PCDH11X: variants seen among roughly 807,000 people sequenced by gnomAD.
PCDH11X encodes protocadherin 11 X-linked.
Under a neutral mutation model 53.3 loss-of-function variants are expected in PCDH11X, and 18 were observed. That is an observed-to-expected ratio of 0.34 (90% CI 0.23 to 0.50). The LOEUF (loss-of-function observed/expected upper bound fraction) is 0.50. PCDH11X is among the 20% of genes least tolerant of loss of function. The pLI is 0.98. For missense variants in PCDH11X, 570 were observed against 1,032.4 expected (o/e 0.55, Z 6.14); for synonymous variants, 279 against 393.3 (o/e 0.71, Z 3.44).
At chrX:92,080,083 G>A (rs2063833151) in intron 6 of PCDH11X, among the ~76,000 whole-genome samples, 1 of 111,535 alleles carries the variant, frequency 9.0e-6, no homozygotes, top group Non-Finnish European at 1.9e-5. Flanking sequence ...GAAGGCAGAG[G>A]AAGGTGAACA....
intron 6 of PCDH11X, among the ~76,000 whole-genome samples, chrX:91,913,690 A>T (rs752951292): frequency 9.0e-6 from 1 of 111,514 alleles, no homozygotes; most frequent in Non-Finnish European, 1.9e-5. Context: ...CACCTGAGAA[A>T]CCAAAATACT....
At chrX:92,342,941 ATT>A (rs1475871904) in intron 8 of PCDH11X, among the ~76,000 whole-genome samples, 2 of 112,391 alleles carry the variant, frequency 1.8e-5, no homozygotes, top group Non-Finnish European at 3.8e-5. Flanking sequence ...TGATGAAATG[ATT>A]TCTATTTTGT....
chrX:91,913,133 G>A (rs191470742), intron 6 of PCDH11X, among the ~76,000 whole-genome samples: 1 of 111,112 alleles, frequency 9.0e-6, no homozygotes, highest in Non-Finnish European at 1.9e-5. Flanking sequence ...GAATTGGGGA[G>A]GGATTATGGG....
At chrX:91,954,321 G>A (rs1444249841) in intron 6 of PCDH11X, among the ~76,000 whole-genome samples, 1 of 111,224 alleles carries the variant, frequency 9.0e-6, no homozygotes, top group Non-Finnish European at 1.9e-5. Context: ...AGTATTCCAT[G>A]GTGTATATGT....
intron 4 of PCDH11X, among the ~76,000 whole-genome samples, chrX:91,812,235 A>G (rs1022757314): frequency 2.7e-5 from 3 of 110,704 alleles, no homozygotes; most frequent in African/African-American, 9.8e-5. Flanking sequence ...GACATTGCTC[A>G]AAGAAGAAAT....
intron 4 of PCDH11X, among the ~76,000 whole-genome samples, chrX:91,821,349 T>C (rs1936674072): frequency 9.2e-6 from 1 of 108,528 alleles, no homozygotes; most frequent in East Asian, 2.9e-4. Context: ...TTTATTTCAT[T>C]GAGCAGTGGT....
chrX:92,425,910 TAG>T (rs746356462), intron 9 of PCDH11X, among the ~76,000 whole-genome samples: 138 of 80,376 alleles, frequency 1.7e-3, no homozygotes, highest in African/African-American at 6.2e-3. Context: ...ATGTCAAATG[TAG>T]AGTCTAGAAA....
chrX:92,538,077 T>C (rs1194318074), intron 10 of PCDH11X, among the ~76,000 whole-genome samples: 1 of 103,018 alleles, frequency 9.7e-6, no homozygotes, highest in Non-Finnish European at 2.0e-5. Flanking sequence ...TTTATAATTG[T>C]TATGTCTTTT....
intron 6 of PCDH11X, among the ~76,000 whole-genome samples, chrX:92,143,193 T>C (rs969482244): frequency 1.8e-5 from 2 of 111,433 alleles, no homozygotes; most frequent in Non-Finnish European, 3.8e-5. Flanking sequence ...GGTGGGAGGA[T>C]CATTTAAGCC....
In PCDH11X at chrX:92,569,575, T is replaced by C. The variant is rs112989966; in HGVS notation, c.3368-48689T>C. ...TGATTTATTACAATCATTTTATTAT[T>C]TGATGTCTTCCTTTTTTTAACTTAA... On this transcript the variant is annotated intron_variant, in intron 10 of 10. Transcript: ENST00000682573. 1.4e-3 allele frequency among the ~76,000 whole-genome samples: 157 copies of C among 111,597 alleles called. 1 individual carries two copies. The highest frequency in any genetic ancestry group is 4.8e-3 in the African/African-American group (149 of 30,782).
At chrX:92,282,939 T>A (rs2068281425) in intron 8 of PCDH11X, among the ~76,000 whole-genome samples, 2 of 111,069 alleles carry the variant, frequency 1.8e-5, no homozygotes, top group African/African-American at 6.5e-5. Context: ...AAAATCAGAG[T>A]CATGGAAACA....
At chrX:92,302,110 G>A (rs1027600773) in intron 8 of PCDH11X, among the ~76,000 whole-genome samples, 6 of 111,496 alleles carry the variant, frequency 5.4e-5, no homozygotes, top group African/African-American at 1.3e-4. Flanking sequence ...TGGGGGCTGG[G>A]TAGAAAAGAA....
At chrX:92,526,730 C>CA (rs2074459451) in intron 10 of PCDH11X, among the ~76,000 whole-genome samples, 2 of 101,522 alleles carry the variant, frequency 2.0e-5, no homozygotes, top group South Asian at 4.9e-4. Context: ...GGAGTTCCCT[C>CA]AAAAAAACAA....
At chrX:92,336,972 G>T (rs1305006681) in intron 8 of PCDH11X, among the ~76,000 whole-genome samples, 1 of 110,777 alleles carries the variant, frequency 9.0e-6, no homozygotes. Context: ...AATATTTGAT[G>T]TCCCACTCCA....
At chrX:92,463,891 T>A (rs990545902) in intron 9 of PCDH11X, among the ~76,000 whole-genome samples, 1 of 111,138 alleles carries the variant, frequency 9.0e-6, no homozygotes, top group African/African-American at 3.3e-5. Flanking sequence ...CTCTAGGCTA[T>A]GAAAGAAAAT....
chrX:92,576,003 TATATATATACACACAC>T (rs1179864358), intron 10 of PCDH11X, among the ~76,000 whole-genome samples: 1 of 35,216 alleles, frequency 2.8e-5, no homozygotes, highest in African/African-American at 1.7e-4. Flanking sequence ...TATATATATA[TATATATATACACACAC>T]ACACACACAC....
chrX:92,491,836 C>A (rs1187665609), intron 10 of PCDH11X, among the ~76,000 whole-genome samples: 1 of 111,089 alleles, frequency 9.0e-6, no homozygotes, highest in Non-Finnish European at 1.9e-5. Context: ...CAGTATTTTT[C>A]TTTCTATGTT....
At chrX:91,872,838 T>C (rs948461453) in intron 5 of PCDH11X, among the ~76,000 whole-genome samples, 3 of 108,129 alleles carry the variant, frequency 2.8e-5, no homozygotes, top group African/African-American at 1.0e-4. Flanking sequence ...TTTTAATTGC[T>C]CATGTGGATG....
chrX:91,926,381 T>G (rs113907286), intron 6 of PCDH11X, among the ~76,000 whole-genome samples: 1,585 of 111,152 alleles, frequency 0.014, 39 homozygotes, highest in African/African-American at 0.05. Flanking sequence ...CTGATTTAAA[T>G]GTTAATCATA....
Sources: allele counts gnomAD v4.1 joint callset (sites outside exome capture counted in the v4.1 genomes callset), GRCh38; gene constraint gnomAD v4.1.1; transcripts MANE v1.5; gene names NCBI Gene and HGNC (gene_info 2026-07-23, HGNC 2026-07-21).